The following MTOR variants were observed in gnomAD, a reference collection of about 807,000 sequenced individuals.
MTOR encodes mechanistic target of rapamycin kinase, also known as serine/threonine-protein kinase mTOR.
A neutral mutation model predicts 319.8 loss-of-function variants in MTOR; 70 were observed. That is an observed-to-expected ratio of 0.22 (90% CI 0.18 to 0.27). MTOR has a LOEUF of 0.27. Ranked by LOEUF, MTOR falls within the 10% of genes least tolerant of loss-of-function variation. The pLI is 1.00. For synonymous variants in MTOR, 1,183 were observed against 1,211.4 expected (o/e 0.98, Z 0.49); for missense variants, 1,890 against 3,274.4 (o/e 0.58, Z 10.32).
chr1:11,240,667 G>T, intron 10 of MTOR, 120 bp from the exon 11 acceptor site: 1 of 1,261,698 alleles, frequency 7.9e-7, no homozygotes. Flanking sequence ...GAGTAGAAAG[G>T]ATATTATAAA....
intron 11 of MTOR, 120 bp from the exon 12 acceptor site, chr1:11,238,737 G>T: frequency 1.3e-6 from 1 of 746,410 alleles, no homozygotes; most frequent in Non-Finnish European, 2.2e-6. Context: ...ACTAGATATT[G>T]ATCAATACGA....
At chr1:11,118,884 C>T (rs1275102428) in intron 49 of MTOR, among the ~76,000 whole-genome samples, 1 of 151,982 alleles carries the variant, frequency 6.6e-6, no homozygotes, top group Non-Finnish European at 1.5e-5. Context: ...GCCTTGGCCT[C>T]CCCAAGTGTT....
At chr1:11,183,788 T>C (rs1180337409) in intron 28 of MTOR, among the ~76,000 whole-genome samples, 1 of 152,120 alleles carries the variant, frequency 6.6e-6, no homozygotes, top group East Asian at 1.9e-4. Context: ...CGATCAACAG[T>C]CTTTTCTTTC....
At chr1:11,195,665 T>C (rs1557831214) in intron 28 of MTOR, 1 of 153,030 alleles carries the variant, frequency 6.5e-6, no homozygotes, top group Non-Finnish European at 1.5e-5. Flanking sequence ...GCCTTGGTCA[T>C]GTACAGCACT....
At chr1:11,178,445 T>G (rs960939648) in intron 28 of MTOR, among the ~76,000 whole-genome samples, 1 of 152,218 alleles carries the variant, frequency 6.6e-6, no homozygotes, top group African/African-American at 2.4e-5. Context: ...GGCTGTCACA[T>G]TTCCAAGGCT....
intron 28 of MTOR, among the ~76,000 whole-genome samples, chr1:11,196,847 T>C (rs1232300451): frequency 7.1e-6 from 1 of 140,120 alleles, no homozygotes; most frequent in Non-Finnish European, 1.5e-5. Context: ...CGCGACTCCA[T>C]CTAAAAAAAA....
intron 19 of MTOR, among the ~76,000 whole-genome samples, chr1:11,221,356 A>G (rs1034795759): frequency 6.6e-6 from 1 of 152,064 alleles, no homozygotes; most frequent in East Asian, 1.9e-4. Context: ...ACAAATGAGT[A>G]TAACTATAAG....
chr1:11,157,025 A>C (rs879183917), intron 30 of MTOR, 127 bp downstream of exon 30: 1 of 1,191,362 alleles, frequency 8.4e-7, no homozygotes. Context: ...ATTCCTGAGA[A>C]GTATCAAGTG....
chr1:11,151,590 G>A (rs1644145965), intron 30 of MTOR, among the ~76,000 whole-genome samples: 1 of 152,196 alleles, frequency 6.6e-6, no homozygotes, highest in Non-Finnish European at 1.5e-5. Context: ...GCTGGGATAG[G>A]GGCTGAGAAT....
chr1:11,226,444 C>G (rs1177929687), intron 19 of MTOR: 1 of 152,138 alleles, frequency 6.6e-6, no homozygotes, highest in East Asian at 1.9e-4. Context: ...TAACAGCAGT[C>G]CCATTAAAAT....
chr1:11,186,253 T>C (rs904495728), intron 28 of MTOR, among the ~76,000 whole-genome samples: 1 of 151,928 alleles, frequency 6.6e-6, no homozygotes, highest in Admixed American at 6.6e-5. Context: ...AAGCTGAGAG[T>C]GGGCAGCAGT....
intron 46 of MTOR, among the ~76,000 whole-genome samples, chr1:11,126,077 T>G (rs1468946364): frequency 8.1e-6 from 1 of 123,746 alleles, no homozygotes; most frequent in Non-Finnish European, 1.6e-5. Flanking sequence ...GCGAGAGGCC[T>G]CAAAGTGCCA....
At chr1:11,223,343 TAA>T (rs1451737598) in intron 19 of MTOR, among the ~76,000 whole-genome samples, 1 of 152,020 alleles carries the variant, frequency 6.6e-6, no homozygotes. Flanking sequence ...TAAATAATAC[TAA>T]GAAATGATTG....
rs2100983934 is a variant in MTOR, at chr1:11,258,489, G to A, written c.267C>T (p.Ala89=). 6.2e-7 allele frequency: 1 copy of A among 1,611,468 alleles called. No homozygotes were observed. The highest frequency in any genetic ancestry group is 8.5e-7 in the Non-Finnish European group (1 of 1,177,860). ...DANERKGGIL[A]IASLIGVEGG... ...GACCAGAGACTCTGTCCTTACCTAT[G>A]GCCAAGATGCCACCTTTCCTCTCAT... is the stretch of plus-strand genomic sequence containing the variant. The change falls in exon 3 of 58, where the codon GCC becomes GCT. Residue 89 remains alanine, a synonymous_variant. Transcript: ENST00000361445.
At chr1:11,148,254 C>A (rs764980979) in intron 31 of MTOR, among the ~76,000 whole-genome samples, 4 of 151,924 alleles carry the variant, frequency 2.6e-5, no homozygotes, top group Non-Finnish European at 4.4e-5. Flanking sequence ...GATAATAGAG[C>A]CAAAATACTA....
chr1:11,119,816 CTT>C (rs1197731570), intron 49 of MTOR, among the ~76,000 whole-genome samples: 1 of 150,218 alleles, frequency 6.7e-6, no homozygotes, highest in African/African-American at 2.4e-5. Context: ...AAGGAAGAAA[CTT>C]TAAAGAAAAG....
In MTOR at chr1:11,245,649, A is replaced by T. The variant is rs1445737661; in HGVS notation, c.1225+1976T>A. On this transcript the variant is annotated intron_variant, in intron 8 of 57. Transcript: ENST00000361445. ...CGCCACAGCTCATGTCTGTAATCCC[A>T]AGCACTTTGGGAGGCCAAGGCAGGA... 2.6e-5 allele frequency among the ~76,000 whole-genome samples: 4 copies of T among 152,188 alleles called. No homozygotes were observed. The East Asian group carries it at 7.7e-4, about 29-fold the overall frequency.
At chr1:11,163,050 C>T (rs1175485767) in intron 29 of MTOR, among the ~76,000 whole-genome samples, 2 of 152,076 alleles carry the variant, frequency 1.3e-5, no homozygotes, top group African/African-American at 4.8e-5. Context: ...ATCTCACGTG[C>T]AGACACACAC....
intron 1 of MTOR, among the ~76,000 whole-genome samples, chr1:11,261,317 A>AG (rs1458275932): frequency 6.6e-6 from 1 of 151,658 alleles, no homozygotes; most frequent in African/African-American, 2.4e-5. Context: ...TACAAAAAAA[A>AG]AAAAAAATTA....
Sources: gnomAD v4.1 joint callset for allele counts (sites outside exome capture counted in the v4.1 genomes callset) on GRCh38, gnomAD v4.1.1 for gene constraint, MANE v1.5 for transcripts, NCBI Gene and HGNC (gene_info 2026-07-23, HGNC 2026-07-21) for gene names.